GALNTL6: variants seen among roughly 807,000 people sequenced by gnomAD.
GALNTL6 encodes polypeptide N-acetylgalactosaminyltransferase-like 6.
GALNTL6 carries 46 observed loss-of-function variants against 73.7 expected under a neutral mutation model. The observed-to-expected ratio is 0.62, with a 90% confidence interval of 0.49 to 0.80. The LOEUF (loss-of-function observed/expected upper bound fraction) is 0.80. Ranked by LOEUF, GALNTL6 falls within the 30% of genes least tolerant of loss-of-function variation. The pLI is 0.00. For synonymous variants in GALNTL6, 259 were observed against 263.7 expected (o/e 0.98, Z 0.17); for missense variants, 604 against 755.0 (o/e 0.80, Z 2.34).
chr4:172,600,473 G>A lies in GALNTL6; in HGVS notation c.554-208888G>A, dbSNP rs2111022279. On this transcript the variant is annotated intron_variant, in intron 5 of 12. Transcript: ENST00000506823. The stretch of plus-strand genomic sequence containing the variant: ...AACTCGAGTTCCGGAAGATTATGGT[G>A]ACTGGTATTTGAGTAGTAGAATACT... Among the ~76,000 whole-genome samples, 3 of 152,196 alleles carry A rather than the reference G, an allele frequency of 2.0e-5. 1 individual carries two copies. In the Middle Eastern group the frequency reaches 0.01, roughly 518 times the overall value.
intron 2 of GALNTL6, among the ~76,000 whole-genome samples, chr4:172,171,886 T>G (rs1035495033): frequency 6.6e-6 from 1 of 152,152 alleles, no homozygotes; most frequent in Non-Finnish European, 1.5e-5. Flanking sequence ...TGGAAGTTCC[T>G]GCTCAGCCCC....
At chr4:172,411,800 C>T (rs1744446961) in intron 5 of GALNTL6, among the ~76,000 whole-genome samples, 1 of 152,038 alleles carries the variant, frequency 6.6e-6, no homozygotes, top group African/African-American at 2.4e-5. Context: ...GTAACATATA[C>T]TTCTTTAGTA....
At chr4:171,965,865 A>G (rs1428709491) in intron 2 of GALNTL6, among the ~76,000 whole-genome samples, 1 of 151,904 alleles carries the variant, frequency 6.6e-6, no homozygotes, top group East Asian at 1.9e-4. Flanking sequence ...GTTTACTTTC[A>G]TGTATAAGAC....
Position 172,652,348 on chromosome 4 carries a change from G to C in GALNTL6, c.554-157013G>C, listed in dbSNP as rs140814840. On this transcript the variant is annotated intron_variant, in intron 5 of 12. Coordinates refer to ENST00000506823, the MANE Select transcript of GALNTL6 (RefSeq NM_001034845.3). ...TCTGGCTTAAACAAGAAATCTCTTA[G>C]GATGGAATATTTTACTGAGATTTGG... Among the ~76,000 whole-genome samples, 56 of 152,274 alleles carry C rather than the reference G, an allele frequency of 3.7e-4. 1 individual carries two copies. In the East Asian group the frequency reaches 0.011, roughly 29 times the overall value.
At chr4:172,411,544 GA>G (rs1744436111) in intron 5 of GALNTL6, among the ~76,000 whole-genome samples, 1 of 151,762 alleles carries the variant, frequency 6.6e-6, no homozygotes, top group Non-Finnish European at 1.5e-5. Flanking sequence ...ATATTACATG[GA>G]AGACCAGATG....
intron 5 of GALNTL6, among the ~76,000 whole-genome samples, chr4:172,397,880 A>C (rs1260646152): frequency 6.6e-6 from 1 of 152,086 alleles, no homozygotes; most frequent in Non-Finnish European, 1.5e-5. Context: ...CCTGGCCACT[A>C]TCTTTTATTT....
At chr4:173,015,556 A>G (rs964745384) in intron 11 of GALNTL6, among the ~76,000 whole-genome samples, 2 of 152,212 alleles carry the variant, frequency 1.3e-5, no homozygotes, top group African/African-American at 4.8e-5. Context: ...GAACTGGAGT[A>G]AAAGTCACTC....
intron 3 of GALNTL6, among the ~76,000 whole-genome samples, chr4:172,234,400 G>A (rs961475): frequency 0.4 from 60,323 of 151,854 alleles, 12,159 homozygotes; most frequent in African/African-American, 0.42. Flanking sequence ...AGATCAATTT[G>A]TCTAATGTAA....
At chr4:172,140,243 C>A (rs574705169) in intron 2 of GALNTL6, among the ~76,000 whole-genome samples, 1 of 152,140 alleles carries the variant, frequency 6.6e-6, no homozygotes, top group African/African-American at 2.4e-5. Context: ...AAAAAGGTGT[C>A]ATGCACAAGG....
intron 3 of GALNTL6, among the ~76,000 whole-genome samples, chr4:172,249,449 G>T (rs1352605911): frequency 1.3e-5 from 2 of 152,204 alleles, no homozygotes; most frequent in Non-Finnish European, 2.9e-5. Flanking sequence ...ATTCAAGCCT[G>T]CTGCAGAAAA....
chr4:172,294,928 C>T (rs1008631057), intron 3 of GALNTL6, among the ~76,000 whole-genome samples: 1 of 152,114 alleles, frequency 6.6e-6, no homozygotes, highest in Non-Finnish European at 1.5e-5. Flanking sequence ...ATTTTAAACA[C>T]AGCTAATTAT....
chr4:171,943,065 G>T (rs1214065797), intron 2 of GALNTL6, among the ~76,000 whole-genome samples: 6 of 152,168 alleles, frequency 3.9e-5, no homozygotes, highest in African/African-American at 1.2e-4. Flanking sequence ...TCTCAAGGGG[G>T]TAGGATTGTT....
At chr4:172,058,240 G>C (rs1731090717) in intron 2 of GALNTL6, among the ~76,000 whole-genome samples, 1 of 151,852 alleles carries the variant, frequency 6.6e-6, no homozygotes, top group Non-Finnish European at 1.5e-5. Flanking sequence ...ACAACACTGT[G>C]AGCCACCATG....
chr4:172,583,613 C>T (rs911387012), intron 5 of GALNTL6, among the ~76,000 whole-genome samples: 8 of 152,044 alleles, frequency 5.3e-5, no homozygotes, highest in Admixed American at 3.3e-4. Context: ...CTAAAAATAT[C>T]GGATGCGGCT....
At chr4:172,888,228 T>C (rs1003667271) in intron 8 of GALNTL6, among the ~76,000 whole-genome samples, 8 of 152,218 alleles carry the variant, frequency 5.3e-5, no homozygotes, top group Admixed American at 5.2e-4. Context: ...TTGTTGCAAT[T>C]GCTTTTGAGA....
intron 3 of GALNTL6, among the ~76,000 whole-genome samples, chr4:172,252,873 G>A (rs776657468): frequency 3.3e-5 from 5 of 151,670 alleles, no homozygotes; most frequent in Admixed American, 6.6e-5. Context: ...AAATAGGATA[G>A]CAATGAAAGA....
chr4:171,985,031 C>G (rs752192600), intron 2 of GALNTL6, among the ~76,000 whole-genome samples: 16 of 151,302 alleles, frequency 1.1e-4, no homozygotes, highest in Middle Eastern at 7.0e-3. Context: ...AACTTCCTTG[C>G]CTTTAGGTAG....
intron 2 of GALNTL6, among the ~76,000 whole-genome samples, chr4:171,821,640 GATATATATATATAT>G (rs3080305): frequency 2.0e-4 from 29 of 145,914 alleles, no homozygotes; most frequent in African/African-American, 3.7e-4. Flanking sequence ...AGGCTTAACG[GATATATATATATAT>G]ATATATATAT....
At chr4:171,839,844 T>C (rs916663675) in intron 2 of GALNTL6, among the ~76,000 whole-genome samples, 3 of 152,242 alleles carry the variant, frequency 2.0e-5, no homozygotes, top group African/African-American at 7.2e-5. Flanking sequence ...AGGCTCTTTA[T>C]CATGCCTTTC....
Sources: allele counts gnomAD v4.1 joint callset (sites outside exome capture counted in the v4.1 genomes callset), GRCh38; gene constraint gnomAD v4.1.1; transcripts MANE v1.5; gene names NCBI Gene and HGNC (gene_info 2026-07-23, HGNC 2026-07-21).